DPYD: variants seen among roughly 807,000 people sequenced by gnomAD.
The protein encoded by DPYD is dihydropyrimidine dehydrogenase, also known as dihydropyrimidine dehydrogenase [NADP(+)].
DPYD carries 109 observed loss-of-function variants against 116.2 expected under a neutral mutation model. The ratio of observed to expected loss-of-function variants is 0.94; its 90% confidence interval spans 0.80 to 1.10. The LOEUF (loss-of-function observed/expected upper bound fraction) is 1.10, where lower values mean the gene tolerates loss of function less well. Ranked by LOEUF, DPYD falls within the 50% of genes least tolerant of loss-of-function variation. The probability of loss-of-function intolerance (pLI) is 0.00; values close to 1 mark genes in which losing one functional copy is unlikely to be tolerated. For missense variants in DPYD, 1,302 were observed against 1,254.5 expected (o/e 1.04, Z -0.57); for synonymous variants, 440 against 432.0 (o/e 1.02, Z -0.23).
chr1:97,088,612 G>A (rs1649685295), intron 21 of DPYD, among the ~76,000 whole-genome samples: 1 of 152,004 alleles, frequency 6.6e-6, no homozygotes, highest in East Asian at 1.9e-4. Flanking sequence ...TCACTCTCCT[G>A]CAGCTGCTTC....
In DPYD at chr1:97,078,532, T is replaced by C; in HGVS notation, c.*444A>G. On this transcript the variant is annotated 3_prime_UTR_variant, in exon 23 of 23. Coordinates refer to ENST00000370192, the MANE Select transcript of DPYD (RefSeq NM_000110.4). Reference sequence around the variant, plus strand: ...TTAGAAACAGCATTAAAATTAAAGGTAATTTTTAATGATAAAATGTTTCCT... The same window carrying C: ...TTAGAAACAGCATTAAAATTAAAGGCAATTTTTAATGATAAAATGTTTCCT... The C allele has an allele frequency of 5.3e-6, 1 of 189,158 alleles. No homozygotes were observed. Among genetic ancestry groups the C allele is most frequent in the Non-Finnish European group, 1.1e-5 (1 of 89,708 alleles). 11.7% of individuals were successfully genotyped at this position (189,158 alleles called of 1,614,324 possible). A position where few individuals can be genotyped will look rare whatever the true frequency, so the allele number is the denominator to read the frequency against.
At chr1:97,674,028 T>C (rs1295027793) in intron 8 of DPYD, among the ~76,000 whole-genome samples, 1 of 151,862 alleles carries the variant, frequency 6.6e-6, no homozygotes, top group Non-Finnish European at 1.5e-5. Flanking sequence ...GGACTTTTCT[T>C]TATCTGGAAG....
At chr1:97,292,871 T>G (rs1360550784) in intron 18 of DPYD, among the ~76,000 whole-genome samples, 1 of 152,166 alleles carries the variant, frequency 6.6e-6, no homozygotes, top group Non-Finnish European at 1.5e-5. Context: ...GTTGTTGGCC[T>G]AATTCATTTC....
intron 14 of DPYD, among the ~76,000 whole-genome samples, chr1:97,395,689 C>T (rs1201180298): frequency 6.6e-6 from 1 of 152,048 alleles, no homozygotes; most frequent in Non-Finnish European, 1.5e-5. Context: ...CATTTATCTA[C>T]CCAACCTTTG....
At chr1:97,666,986 C>A (rs1417874862) in intron 8 of DPYD, among the ~76,000 whole-genome samples, 4 of 152,172 alleles carry the variant, frequency 2.6e-5, no homozygotes, top group Non-Finnish European at 4.4e-5. Flanking sequence ...ATCTGCTGAG[C>A]AAATCCGCCC....
chr1:97,106,348 CAG>C (rs1320206302), intron 20 of DPYD, among the ~76,000 whole-genome samples: 1 of 152,078 alleles, frequency 6.6e-6, no homozygotes, highest in African/African-American at 2.4e-5. Flanking sequence ...GTGTGTTTGT[CAG>C]AGTGTTTCCA....
At chr1:97,093,139 A>C (rs1417847248) in intron 21 of DPYD, among the ~76,000 whole-genome samples, 1 of 152,084 alleles carries the variant, frequency 6.6e-6, no homozygotes, top group Admixed American at 6.6e-5. Flanking sequence ...CATTTTTTCT[A>C]TGTAGCTCAT....
At chr1:97,901,564 C>T (rs1464484850) in intron 1 of DPYD, among the ~76,000 whole-genome samples, 9 of 151,730 alleles carry the variant, frequency 5.9e-5, no homozygotes, top group Non-Finnish European at 2.9e-5. Context: ...AAAGTAAATA[C>T]ACCTCCCATA....
intron 14 of DPYD, among the ~76,000 whole-genome samples, chr1:97,405,492 T>C (rs999783368): frequency 2.0e-5 from 3 of 151,984 alleles, no homozygotes; most frequent in Non-Finnish European, 4.4e-5. Flanking sequence ...TTTCTCTGAA[T>C]ACTTTATTTA....
At chr1:97,707,750 G>A (rs1571224868) in intron 5 of DPYD, among the ~76,000 whole-genome samples, 1 of 151,758 alleles carries the variant, frequency 6.6e-6, no homozygotes, top group East Asian at 1.9e-4. Flanking sequence ...GCATTTCCCT[G>A]ATGATACATA....
At chr1:97,734,206 C>T (rs1164672882) in intron 4 of DPYD, among the ~76,000 whole-genome samples, 1 of 151,720 alleles carries the variant, frequency 6.6e-6, no homozygotes, top group East Asian at 1.9e-4. Context: ...CTAGGTTAGT[C>T]CACCTGAAAA....
chr1:97,681,142 A>T (rs1660408060), intron 7 of DPYD, among the ~76,000 whole-genome samples: 1 of 152,086 alleles, frequency 6.6e-6, no homozygotes, highest in Non-Finnish European at 1.5e-5. Flanking sequence ...CAGTATTTTC[A>T]TTTTACAGAT....
intron 16 of DPYD, among the ~76,000 whole-genome samples, chr1:97,348,688 A>G (rs1013305594): frequency 6.6e-6 from 1 of 152,166 alleles, no homozygotes; most frequent in African/African-American, 2.4e-5. Context: ...AAATATTAAT[A>G]TACAAGGTAA....
intron 18 of DPYD, among the ~76,000 whole-genome samples, chr1:97,246,644 A>T (rs1378146268): frequency 2.0e-5 from 3 of 152,182 alleles, no homozygotes; most frequent in Admixed American, 6.6e-5. Flanking sequence ...AATGGTATAC[A>T]GTGCATTACA....
rs375974343 is a variant in DPYD at position 97,166,492 on chromosome 1, A to G, written c.2622+26577T>C. On this transcript the variant is annotated intron_variant, in intron 20 of 22. Transcript: ENST00000370192. ...AGGACTAGTACCTGTGTGACAAAAT[A>G]ATCTGTAAAAGGGGCCCCCATGACA... Among the ~76,000 whole-genome samples the G allele has an allele frequency of 1.8e-4, 28 of 152,210 alleles. No homozygotes were observed. In the East Asian group the frequency reaches 3.9e-3, roughly 21 times the overall value.
intron 14 of DPYD, among the ~76,000 whole-genome samples, chr1:97,413,451 GTTTTTCGTTGTTTTTTTGT>G (rs1047088470): frequency 1.6e-4 from 25 of 152,142 alleles, no homozygotes; most frequent in African/African-American, 5.5e-4. Context: ...ACTGTCAAGA[GTTTTTCGTTGTTTTTTTGT>G]TTGTTTGTTT....
intron 8 of DPYD, among the ~76,000 whole-genome samples, chr1:97,608,209 T>C (rs1157817537): frequency 1.3e-5 from 2 of 151,920 alleles, no homozygotes; most frequent in Non-Finnish European, 2.9e-5. Flanking sequence ...GAAGTAAAAA[T>C]TAAGTCAGTA....
intron 22 of DPYD, among the ~76,000 whole-genome samples, chr1:97,081,578 T>C (rs1388127948): frequency 6.6e-6 from 1 of 152,038 alleles, no homozygotes; most frequent in Non-Finnish European, 1.5e-5. Flanking sequence ...TAGCAGGTTA[T>C]AAATATATAG....
intron 18 of DPYD, among the ~76,000 whole-genome samples, chr1:97,286,636 T>C (rs1308081635): frequency 2.0e-5 from 3 of 152,202 alleles, no homozygotes; most frequent in Non-Finnish European, 1.5e-5. Context: ...TTCTTTTTTC[T>C]CTAAACTTCC....
Sources: gnomAD v4.1 joint callset for allele counts (sites outside exome capture counted in the v4.1 genomes callset) on GRCh38, gnomAD v4.1.1 for gene constraint, MANE v1.5 for transcripts, NCBI Gene and HGNC (gene_info 2026-07-23, HGNC 2026-07-21) for gene names.